The following TTC34 variants were observed in gnomAD, a reference collection of about 807,000 sequenced individuals.
TTC34 encodes tetratricopeptide repeat protein 34.
A neutral mutation model predicts 40.7 loss-of-function variants in TTC34; 44 were observed. That is an observed-to-expected ratio of 1.08 (90% confidence interval 0.85 to 1.39). The LOEUF (loss-of-function observed/expected upper bound fraction) is 1.39, where lower values mean the gene tolerates loss of function less well. Among genes scored for constraint, TTC34 ranks in the 40% most tolerant of loss-of-function variants. TTC34 has a pLI of 0.00. For synonymous variants in TTC34, 422 were observed against 398.6 expected (o/e 1.06, Z -0.70); for missense variants, 884 against 838.0 (o/e 1.05, Z -0.68).
intron 6 of TTC34, among the ~76,000 whole-genome samples, chr1:2,646,944 C>T (rs1353682922): frequency 6.6e-6 from 1 of 152,174 alleles, no homozygotes; most frequent in Non-Finnish European, 1.5e-5. Context: ...ATAATTCTGG[C>T]TTGGTACTTT....
chr1:2,750,164 C>A (rs1410640483), intron 6 of TTC34, among the ~76,000 whole-genome samples: 47 of 130,110 alleles, frequency 3.6e-4, no homozygotes, highest in African/African-American at 9.3e-4. Context: ...GAACAAACAC[C>A]CCCAGGCGAG....
chr1:2,747,797 AC>A (rs1641202434), intron 6 of TTC34, among the ~76,000 whole-genome samples: 3 of 98,162 alleles, frequency 3.1e-5, no homozygotes, highest in African/African-American at 5.7e-5. Flanking sequence ...AGCAGCCTGC[AC>A]CCCCAGGTGC....
intron 6 of TTC34, among the ~76,000 whole-genome samples, chr1:2,672,551 T>C (rs1365657616): frequency 5.8e-3 from 128 of 22,240 alleles, no homozygotes; most frequent in African/African-American, 7.8e-3. Context: ...GCAGCACCCA[T>C]AGCCCATGGT....
At chr1:2,752,084 C>CCA (rs1641338796) in intron 6 of TTC34, among the ~76,000 whole-genome samples, 1 of 114,134 alleles carries the variant, frequency 8.8e-6, no homozygotes, top group Non-Finnish European at 1.7e-5. Flanking sequence ...GGAGCAGCAC[C>CCA]CACACCTTCA....
At chr1:2,788,091 G>A (rs956782593) in intron 3 of TTC34, among the ~76,000 whole-genome samples, 4 of 152,240 alleles carry the variant, frequency 2.6e-5, no homozygotes, top group African/African-American at 9.6e-5. Context: ...ATGTTCCTGT[G>A]CCCATGTGGG....
chr1:2,683,871 CACCCCGAGGCGA>C (rs1640196693), intron 6 of TTC34, among the ~76,000 whole-genome samples: 1 of 151,506 alleles, frequency 6.6e-6, no homozygotes, highest in African/African-American at 2.4e-5. Flanking sequence ...GCAGAACCCA[CACCCCGAGGCGA>C]GCATCTGACA....
chr1:2,686,781 C>CG (rs1640375595), intron 6 of TTC34, among the ~76,000 whole-genome samples: 1 of 105,630 alleles, frequency 9.5e-6, no homozygotes, highest in Non-Finnish European at 1.9e-5. Flanking sequence ...GAGCATGTGA[C>CG]AGCCTGGATC....
At chr1:2,700,039 A>G (rs970988751) in intron 6 of TTC34, among the ~76,000 whole-genome samples, 1 of 122,256 alleles carries the variant, frequency 8.2e-6, no homozygotes, top group Admixed American at 8.6e-5. Flanking sequence ...GATAGCCTGG[A>G]GCAGCGCCCA....
rs1223172142 is a variant in TTC34, at chr1:2,748,786, G to A, written c.2226+34823C>T. Among the ~76,000 whole-genome samples, 2 of 144,574 alleles carry A rather than the reference G, an allele frequency of 1.4e-5. 1 individual carries two copies. The highest frequency in any genetic ancestry group is 3.0e-5 in the Non-Finnish European group (2 of 66,952). The allele number at this position is 144,574 out of a possible 152,430, so 94.8% of individuals were successfully genotyped here. ...CCCTAGGAGAGCATCCGGCAGCCTG[G>A]AGCGGAACCCACACCCACAGGCGAG... On this transcript the variant is annotated intron_variant, in intron 6 of 8. Transcript: ENST00000401095.
At chr1:2,694,783 C>G (rs573197497) in intron 6 of TTC34, among the ~76,000 whole-genome samples, 1 of 77,226 alleles carries the variant, frequency 1.3e-5, no homozygotes, top group African/African-American at 4.2e-5. Context: ...CCTGGAGCAG[C>G]ACCCACACAC....
chr1:2,683,433 C>G (rs1244848803), intron 6 of TTC34, among the ~76,000 whole-genome samples: 77 of 140,796 alleles, frequency 5.5e-4, no homozygotes, highest in Non-Finnish European at 6.3e-4. Context: ...CACCCTTCAC[C>G]CCCAGGTGAG....
At chr1:2,686,692 C>G (rs556786669) in intron 6 of TTC34, among the ~76,000 whole-genome samples, 1 of 100,034 alleles carries the variant, frequency 1.0e-5, no homozygotes, top group African/African-American at 4.1e-5. Context: ...CCCCCAGGTG[C>G]GCACGTGACA....
intron 6 of TTC34, among the ~76,000 whole-genome samples, chr1:2,781,757 C>G (rs1643487508): frequency 6.6e-6 from 1 of 152,158 alleles, no homozygotes; most frequent in South Asian, 2.1e-4. Flanking sequence ...AAATGCTTTT[C>G]TGCATCAGTT....
intron 6 of TTC34, among the ~76,000 whole-genome samples, chr1:2,755,783 C>T (rs1297457483): frequency 2.9e-4 from 31 of 106,184 alleles, no homozygotes; most frequent in African/African-American, 1.2e-3. Flanking sequence ...GGCACCCACA[C>T]CCCCAGGTGA....
chr1:2,780,069 C>A (rs1435721991), intron 6 of TTC34, among the ~76,000 whole-genome samples: 2 of 152,130 alleles, frequency 1.3e-5, no homozygotes, highest in Admixed American at 1.3e-4. Context: ...AGCTGAGATC[C>A]CGCCACTGCA....
At chr1:2,698,801 C>A (rs1352781722) in intron 6 of TTC34, among the ~76,000 whole-genome samples, 9 of 147,240 alleles carry the variant, frequency 6.1e-5, no homozygotes, top group South Asian at 2.1e-4. Context: ...TGGAGCAGCA[C>A]CCCACACCCA....
chr1:2,752,774 G>T lies in TTC34; in HGVS notation c.2226+30835C>A, dbSNP rs1361490668. On this transcript the variant is annotated intron_variant, in intron 6 of 8. Transcript: ENST00000401095. ...TGACAGCGTGGAACAGCACCCATAC[G>T]CCCAGATAAGCATGTGACAGCCTGG... Among the ~76,000 whole-genome samples, 182 of 97,160 alleles carry T rather than the reference G, an allele frequency of 1.9e-3. 12 individuals are homozygous for T. The highest frequency in any genetic ancestry group is 2.4e-3 in the Non-Finnish European group (125 of 52,036). The allele number at this position is 97,160 out of a possible 152,430, so 63.7% of individuals were successfully genotyped here.
At chr1:2,699,964 T>A (rs1175878342) in intron 6 of TTC34, among the ~76,000 whole-genome samples, 1 of 51,272 alleles carries the variant, frequency 2.0e-5, no homozygotes, top group East Asian at 6.9e-4. Flanking sequence ...CCTGGAGAAA[T>A]GCTCACACCC....
chr1:2,687,045 C>A (rs1431849786), intron 6 of TTC34, among the ~76,000 whole-genome samples: 1 of 144,926 alleles, frequency 6.9e-6, no homozygotes, highest in Non-Finnish European at 1.5e-5. Flanking sequence ...CACCCACAAC[C>A]CCAGGCGTGC....
Sources: gnomAD v4.1 joint callset for allele counts (sites outside exome capture counted in the v4.1 genomes callset) on GRCh38, gnomAD v4.1.1 for gene constraint, MANE v1.5 for transcripts, NCBI Gene and HGNC (gene_info 2026-07-23, HGNC 2026-07-21) for gene names.